Variants in PPFIA1 observed in about 807,000 individuals in gnomAD.
PPFIA1 encodes the protein liprin-alpha-1.
In PPFIA1, 25 loss-of-function variants were observed where a neutral mutation model predicts 149.9. That is an observed-to-expected ratio of 0.17 (90% CI 0.12 to 0.23). The LOEUF (loss-of-function observed/expected upper bound fraction) is 0.23. Ranked by LOEUF, PPFIA1 falls within the 10% of genes least tolerant of loss-of-function variation. PPFIA1 has a pLI of 1.00. For synonymous variants in PPFIA1, 549 were observed against 552.8 expected (o/e 0.99, Z 0.10); for missense variants, 1,362 against 1,506.5 (o/e 0.90, Z 1.59).
At chr11:70,343,356 C>T (rs2055473015) in intron 14 of PPFIA1, among the ~76,000 whole-genome samples, 1 of 152,216 alleles carries the variant, frequency 6.6e-6, no homozygotes, top group South Asian at 2.1e-4. Context: ...TCTTCATCCT[C>T]CCCCTGCCCA....
At chr11:70,277,831 G>A (rs892144050) in intron 2 of PPFIA1, among the ~76,000 whole-genome samples, 3 of 151,988 alleles carry the variant, frequency 2.0e-5, no homozygotes, top group African/African-American at 7.2e-5. Context: ...GTATTTCTTT[G>A]AGTTCATATC....
intron 19 of PPFIA1, among the ~76,000 whole-genome samples, chr11:70,358,938 T>C (rs186978482): frequency 6.6e-5 from 10 of 152,340 alleles, no homozygotes; most frequent in Admixed American, 1.3e-4. Flanking sequence ...TGAAGTAACC[T>C]TGCTTTTAAA....
intron 2 of PPFIA1, among the ~76,000 whole-genome samples, chr11:70,308,603 T>C (rs1156655625): frequency 6.6e-6 from 1 of 152,198 alleles, no homozygotes; most frequent in African/African-American, 2.4e-5. Context: ...GTTTTAAATG[T>C]ATCCGAAACT....
chr11:70,357,624 T>A (rs998137372), intron 19 of PPFIA1, among the ~76,000 whole-genome samples: 1 of 151,382 alleles, frequency 6.6e-6, no homozygotes, highest in Non-Finnish European at 1.5e-5. Context: ...TCTCGCTCTG[T>A]CACCCACGCT....
chr11:70,323,202 G>A (rs541946694), intron 2 of PPFIA1, among the ~76,000 whole-genome samples: 71 of 152,196 alleles, frequency 4.7e-4, no homozygotes, highest in Non-Finnish European at 8.4e-4. Flanking sequence ...TAAAGAGAGT[G>A]CCCAGGGTTT....
Position 70,354,332 on chromosome 11 carries a change from A to G in PPFIA1, c.2195A>G (p.Asp732Gly). ...CCTTCCAGAGAAGAGGTACGAGATG[A>G]CAAGACAACCATAAAGTGTGAAACC... ...LPPSREEVRD[D>G]KTTIKCETSP... Residue 732 changes from aspartate (D) to glycine (G), a missense_variant, in exon 17 of 28, where the codon GAC (aspartate) becomes GGC (glycine). Transcript: ENST00000253925. 1.2e-6 allele frequency: 2 copies of G among 1,613,988 alleles called. No homozygotes were observed. The highest frequency in any genetic ancestry group is 1.1e-5 in the South Asian group (1 of 91,042).
chr11:70,308,206 G>A (rs968554889), intron 2 of PPFIA1, among the ~76,000 whole-genome samples: 1 of 152,126 alleles, frequency 6.6e-6, no homozygotes. Flanking sequence ...GTGCCGCCAC[G>A]GCCAGCTAAT....
At chr11:70,328,189 A>G (rs982712663) in intron 7 of PPFIA1, among the ~76,000 whole-genome samples, 2 of 152,108 alleles carry the variant, frequency 1.3e-5, no homozygotes, top group African/African-American at 4.8e-5. Context: ...CCCAGGTACC[A>G]AGCCTAGTTA....
chr11:70,315,667 T>G (rs1379031277), intron 2 of PPFIA1, among the ~76,000 whole-genome samples: 1 of 145,898 alleles, frequency 6.9e-6, no homozygotes, highest in African/African-American at 2.6e-5. Context: ...TCTGTGAAGT[T>G]CTTTTTTTCT....
At chr11:70,288,521 T>C (rs79118674) in intron 2 of PPFIA1, among the ~76,000 whole-genome samples, 1 of 152,188 alleles carries the variant, frequency 6.6e-6, no homozygotes, top group Non-Finnish European at 1.5e-5. Flanking sequence ...ACCGTCAACC[T>C]CATGGTTTTA....
At position 70,372,297 on chromosome 11, in the gene PPFIA1, A is replaced by T; in HGVS notation, c.2948A>T (p.Tyr983Phe). 2.5e-6 allele frequency: 4 copies of T among 1,614,224 alleles called. No homozygotes were observed. Among genetic ancestry groups the T allele is most frequent in the South Asian group, 1.1e-5 (1 of 91,082 alleles). Reference sequence around the variant, plus strand: ...CTGGGCCTCCCCCAGTACCGCAGCTACTTCATGGAGTGCCTTGTAGACGCC... The same window carrying T: ...CTGGGCCTCCCCCAGTACCGCAGCTTCTTCATGGAGTGCCTTGTAGACGCC... ...PSLGLPQYRS[Y>F]FMECLVDARM... The change falls in exon 22 of 28, where the codon TAC (tyrosine) becomes TTC (phenylalanine). Residue 983 changes from tyrosine (Y) to phenylalanine (F), a missense_variant. Tyr to Phe is a conservative substitution (Grantham distance 22). This residue lies in a region of PPFIA1 where 349 missense variants were observed against 373.3 expected (regional missense o/e 0.93). Coordinates refer to ENST00000253925, the MANE Select transcript of PPFIA1 (RefSeq NM_003626.5).
intron 2 of PPFIA1, among the ~76,000 whole-genome samples, chr11:70,305,649 C>T (rs1226149977): frequency 6.6e-6 from 1 of 152,138 alleles, no homozygotes; most frequent in Non-Finnish European, 1.5e-5. Context: ...GGATTGCAGA[C>T]GTGAGCCCCT....
chr11:70,278,778 T>G (rs1249196741), intron 2 of PPFIA1: 1 of 339,918 alleles, frequency 2.9e-6, no homozygotes, highest in African/African-American at 2.2e-5. Context: ...TAATTAAACT[T>G]CCAACTTGCT....
At chr11:70,302,483 A>G (rs1215325673) in intron 2 of PPFIA1, among the ~76,000 whole-genome samples, 1 of 152,208 alleles carries the variant, frequency 6.6e-6, no homozygotes, top group Non-Finnish European at 1.5e-5. Flanking sequence ...CTGCGGCAAC[A>G]GAGCTGTGAG....
intron 2 of PPFIA1, among the ~76,000 whole-genome samples, chr11:70,297,487 G>GTAC (rs751230013): frequency 7.9e-5 from 12 of 152,156 alleles, no homozygotes; most frequent in Non-Finnish European, 1.3e-4. Flanking sequence ...GTCTCTCCTT[G>GTAC]TACTCAGTGT....
At chr11:70,328,628 T>G (rs945559227) in intron 7 of PPFIA1, among the ~76,000 whole-genome samples, 4 of 152,106 alleles carry the variant, frequency 2.6e-5, no homozygotes, top group African/African-American at 9.7e-5. Flanking sequence ...ATTTCCATCT[T>G]TAGGTCTTTG....
intron 2 of PPFIA1, among the ~76,000 whole-genome samples, chr11:70,273,528 A>G (rs1227095232): frequency 2.0e-5 from 3 of 152,234 alleles, no homozygotes; most frequent in Admixed American, 6.5e-5. Context: ...GTAGACCCGC[A>G]TAAGCACACA....
At chr11:70,279,905 A>ATTGTGTGTGTGTGTGTGTGTG (rs368563994) in intron 2 of PPFIA1, among the ~76,000 whole-genome samples, 1 of 144,862 alleles carries the variant, frequency 6.9e-6, no homozygotes, top group African/African-American at 2.7e-5. Flanking sequence ...TGTGTGGGGG[A>ATTGTGTGTGTGTGTGTGTGTG]TGTGTGTGTG....
At chr11:70,333,414 G>T in intron 9 of PPFIA1, 56 bp from the exon 10 acceptor site, 4 of 1,387,938 alleles carry the variant, frequency 2.9e-6, no homozygotes, top group Non-Finnish European at 4.1e-6. Context: ...GTGGTATGCA[G>T]CATGTCGTTA....
Sources: gnomAD v4.1 joint callset for allele counts (sites outside exome capture counted in the v4.1 genomes callset) on GRCh38, gnomAD v4.1.1 for gene constraint, gnomAD v4.1.1 regional missense constraint, MANE v1.5 for transcripts, NCBI Gene and HGNC (gene_info 2026-07-23, HGNC 2026-07-21) for gene names.